TRIM22: variants seen among roughly 807,000 people sequenced by gnomAD.
TRIM22 encodes the protein E3 ubiquitin-protein ligase TRIM22.
In TRIM22, 45 loss-of-function variants were observed where a neutral mutation model predicts 53.6. That is an observed-to-expected ratio of 0.84 (90% CI 0.66 to 1.08). TRIM22 has a LOEUF of 1.08. TRIM22 is among the 50% of genes least tolerant of loss of function. TRIM22 has a pLI of 0.00. For missense variants in TRIM22, 616 were observed against 590.9 expected (o/e 1.04, Z -0.44); for synonymous variants, 225 against 216.6 (o/e 1.04, Z -0.34).
intron 5 of TRIM22, 100 bp downstream of exon 5, chr11:5,706,716 G>T (rs1028798642): frequency 1.6e-6 from 2 of 1,250,052 alleles, no homozygotes; most frequent in Non-Finnish European, 2.2e-6. Flanking sequence ...AAATCAAAAG[G>T]CTGGGAAATT....
chr11:5,700,584 C>CATTTTTTTT (rs1853358031), intron 4 of TRIM22, among the ~76,000 whole-genome samples: 1 of 29,926 alleles, frequency 3.3e-5, no homozygotes, highest in Non-Finnish European at 6.5e-5. Context: ...CTATAGGAGT[C>CATTTTTTTT]TTTTTTTTTT....
chr11:5,695,874 T>C (rs1853250754), intron 1 of TRIM22, among the ~76,000 whole-genome samples: 1 of 152,096 alleles, frequency 6.6e-6, no homozygotes. Flanking sequence ...GCAGGACAAA[T>C]GATGGGTTAC....
At position 5,699,385 on chromosome 11, in the gene TRIM22, G is replaced by A. The variant is rs371923348; in HGVS notation, c.750+840G>A. On this transcript the variant is annotated intron_variant, in intron 4 of 7. Transcript: ENST00000379965. Reference sequence around the variant, plus strand: ...TAAAAATACAAAAAATTAGCCGGGCGCGGTGGCGGGCGCCTGTAGTCCCAG... The same window carrying A: ...TAAAAATACAAAAAATTAGCCGGGCACGGTGGCGGGCGCCTGTAGTCCCAG... 1.7e-4 allele frequency among the ~76,000 whole-genome samples: 25 copies of A among 143,552 alleles called. 1 individual carries two copies. Among genetic ancestry groups the A allele is most frequent in the South Asian group, 8.8e-4 (4 of 4,526 alleles). The allele number at this position is 143,552 out of a possible 152,430, so 94.2% of individuals were successfully genotyped here. A position where few individuals can be genotyped will look rare whatever the true frequency, so the allele number is the denominator to read the frequency against.
At chr11:5,696,855 T>C in intron 2 of TRIM22, 200 bp downstream of exon 2, 1 of 602,662 alleles carries the variant, frequency 1.7e-6, no homozygotes, top group East Asian at 2.9e-5. Context: ...AGAGTACAAA[T>C]TTTTAGCAAG....
chr11:5,691,329 G>C (rs559247171), intron 1 of TRIM22, among the ~76,000 whole-genome samples: 21 of 152,138 alleles, frequency 1.4e-4, no homozygotes, highest in East Asian at 5.8e-4. Context: ...GAGCAAGCAG[G>C]GGGTACGTGA....
intron 4 of TRIM22, among the ~76,000 whole-genome samples, chr11:5,704,243 C>T (rs1853421994): frequency 6.8e-6 from 1 of 148,132 alleles, no homozygotes; most frequent in Non-Finnish European, 1.5e-5. Context: ...CTCTTTTCTT[C>T]TTTATCTTTC....
At chr11:5,708,390 G>A (rs1176795213) in intron 6 of TRIM22, 117 bp downstream of exon 6, 18 of 1,063,540 alleles carry the variant, frequency 1.7e-5, no homozygotes, top group Admixed American at 1.3e-4. Context: ...AGAGAAGGAG[G>A]AAAATCCTGT....
At chr11:5,705,326 G>A (rs114077812) in intron 4 of TRIM22, among the ~76,000 whole-genome samples, 1 of 152,212 alleles carries the variant, frequency 6.6e-6, no homozygotes, top group African/African-American at 2.4e-5. Flanking sequence ...TCAAGCTGAT[G>A]CCATAATTAA....
chr11:5,692,495 C>A (rs1853188466), intron 1 of TRIM22, among the ~76,000 whole-genome samples: 2 of 152,078 alleles, frequency 1.3e-5, no homozygotes, highest in Admixed American at 6.5e-5. Flanking sequence ...AAAACTAAAC[C>A]CTGGACATTT....
intron 7 of TRIM22, 130 bp downstream of exon 7, chr11:5,708,733 T>C (rs1453284740): frequency 1.4e-6 from 1 of 690,186 alleles, no homozygotes; most frequent in African/African-American, 2.1e-5. Flanking sequence ...TTTTTTTTTT[T>C]AAGATAGATT....
At chr11:5,691,867 T>C (rs1009278883) in intron 1 of TRIM22, among the ~76,000 whole-genome samples, 14 of 152,190 alleles carry the variant, frequency 9.2e-5, no homozygotes, top group African/African-American at 3.1e-4. Context: ...TCCTTATGTG[T>C]CTGTACCGCA....
intron 4 of TRIM22, among the ~76,000 whole-genome samples, chr11:5,703,108 A>C (rs191674796): frequency 1.8e-3 from 273 of 152,316 alleles, no homozygotes; most frequent in Non-Finnish European, 2.3e-3. Flanking sequence ...ACATGGGAAT[A>C]TTGGGTGATG....
intron 4 of TRIM22, 50 bp downstream of exon 4, chr11:5,698,595 G>C (rs766102317): frequency 2.1e-5 from 31 of 1,463,668 alleles, no homozygotes; most frequent in Middle Eastern, 4.1e-4. Flanking sequence ...GAAAAACACA[G>C]AGGCCGATTT....
chr11:5,701,120 A>G (rs1853367646), intron 4 of TRIM22, among the ~76,000 whole-genome samples: 1 of 152,102 alleles, frequency 6.6e-6, no homozygotes, highest in Admixed American at 6.6e-5. Context: ...ACTGTTGAGA[A>G]TTTTTGCATC....
intron 7 of TRIM22, 85 bp downstream of exon 7, chr11:5,708,688 T>G: frequency 8.6e-7 from 1 of 1,161,706 alleles, no homozygotes; most frequent in Non-Finnish European, 1.2e-6. Flanking sequence ...CATGTGTTCC[T>G]CCCCAAACAT....
intron 6 of TRIM22, 151 bp downstream of exon 6, chr11:5,708,424 G>A (rs1232230138): frequency 6.2e-6 from 6 of 974,778 alleles, no homozygotes; most frequent in Non-Finnish European, 9.2e-6. Flanking sequence ...TCCTGTCTTA[G>A]GGGGAATGAC....
chr11:5,709,167 T>C lies in TRIM22; in HGVS notation c.1016T>C (p.Phe339Ser), dbSNP rs1179100371. Residue 339 changes from phenylalanine to serine, a missense_variant, in exon 8 of 8, where the codon TTT becomes TCT. Phe to Ser is a radical substitution (Grantham distance 155). Transcript: ENST00000379965. The stretch of plus-strand genomic sequence containing the variant: ...TTTAAGAATTCAAATCCATGTGATT[T>C]TTCTGCTTTTGGTGTCTTCGGCTGC... ...CTFKNSNPCD[F>S]SAFGVFGCQY... The C allele has an allele frequency of 1.2e-6, 2 of 1,614,168 alleles. No homozygotes were observed. Among genetic ancestry groups the C allele is most frequent in the Non-Finnish European group, 1.7e-6 (2 of 1,180,026 alleles).
At position 5,698,526 on chromosome 11, in the gene TRIM22, C is replaced by T. The variant is rs61735273; in HGVS notation, c.731C>T (p.Ser244Leu). ...GATCTCCAGCGGAGGTTGAGGGGAT[C>T]GTCAGTAGAGATGCTGCAGGTAAGA... ...ISDLQRRLRG[S>L]SVEMLQDVID... The change falls in exon 4 of 8, where the codon TCG becomes TTG. Residue 244 changes from serine (S) to leucine (L), a missense_variant. By Grantham distance (145) the Ser-to-Leu change is moderately radical. Coordinates refer to ENST00000379965, the MANE Select transcript of TRIM22 (RefSeq NM_006074.5). The T allele has an allele frequency of 8.0e-3, 12,925 of 1,613,094 alleles. 886 individuals carry two copies. In the African/African-American group the frequency reaches 0.15, roughly 19 times the overall value.
intron 5 of TRIM22, among the ~76,000 whole-genome samples, 186 bp downstream of exon 5, chr11:5,706,802 C>T (rs1853463269): frequency 6.6e-6 from 1 of 152,186 alleles, no homozygotes. Context: ...GTTGGGAGAT[C>T]ACAGAGTTAG....
Sources: gnomAD v4.1 joint callset for allele counts (sites outside exome capture counted in the v4.1 genomes callset) on GRCh38, gnomAD v4.1.1 for gene constraint, MANE v1.5 for transcripts, NCBI Gene and HGNC (gene_info 2026-07-23, HGNC 2026-07-21) for gene names.